Variants in ATP2B2 observed in about 807,000 individuals in gnomAD.
The protein encoded by ATP2B2 is ATPase plasma membrane Ca2+ transporting 2, also known as plasma membrane calcium-transporting ATPase 2.
A neutral mutation model predicts 120.0 loss-of-function variants in ATP2B2; 15 were observed. The observed-to-expected ratio is 0.12, with a 90% CI of 0.08 to 0.19. The LOEUF (loss-of-function observed/expected upper bound fraction) is 0.19. Ranked by LOEUF, ATP2B2 falls within the 10% of genes least tolerant of loss-of-function variation. ATP2B2 has a pLI of 1.00. For synonymous variants in ATP2B2, 694 were observed against 700.3 expected (o/e 0.99, Z 0.14); for missense variants, 1,045 against 1,719.8 (o/e 0.61, Z 6.94).
chr3:10,628,905 T>G (rs1393681454), intron 1 of ATP2B2, among the ~76,000 whole-genome samples: 1 of 152,234 alleles, frequency 6.6e-6, no homozygotes, highest in Non-Finnish European at 1.5e-5. Flanking sequence ...CTGATCAGTA[T>G]ATAACCTTGT....
Position 10,378,421 on chromosome 3 carries a change from C to A in ATP2B2, c.1043-11G>T, listed in dbSNP as rs748212925. 3.1e-6 allele frequency: 5 copies of A among 1,600,058 alleles called. No homozygotes were observed. The Admixed American group carries it at 6.7e-5, about 21-fold the overall frequency. ...CGTCCTGTTGTTTGGCTGCAGGGGG[C>A]AGATCACGCACGTGCATACACACAG... On this transcript the variant is annotated splice_polypyrimidine_tract_variant and intron_variant, in intron 9 of 22. Transcript: ENST00000360273.
intron 3 of ATP2B2, among the ~76,000 whole-genome samples, chr3:10,512,469 C>CAGACACACAG (rs1559431371): frequency 4.2e-4 from 20 of 47,390 alleles, no homozygotes; most frequent in Non-Finnish European, 5.3e-4. Context: ...TGTGCGCACA[C>CAGACACACAG]ACACACACAC....
At chr3:10,708,032 C>G (rs1347542049), upstream of ATP2B2, 1 of 145,216 alleles carries the variant, frequency 6.9e-6, no homozygotes, top group African/African-American at 2.5e-5. Context: ...GCGGCTGCCC[C>G]GCGCTCGCCT....
intron 3 of ATP2B2, among the ~76,000 whole-genome samples, chr3:10,532,859 T>C (rs921252075): frequency 6.6e-6 from 1 of 152,194 alleles, no homozygotes; most frequent in Admixed American, 6.5e-5. Context: ...AGGAAGCCAG[T>C]GATGCTTGCT....
chr3:10,389,042 G>GCC (rs560813073), intron 5 of ATP2B2, among the ~76,000 whole-genome samples: 2,273 of 152,232 alleles, frequency 0.015, 55 homozygotes, highest in African/African-American at 0.05. Flanking sequence ...TTTGGAATAG[G>GCC]TGTGGCACAT....
At chr3:10,581,102 C>T (rs2068378754) in intron 2 of ATP2B2, among the ~76,000 whole-genome samples, 1 of 152,210 alleles carries the variant, frequency 6.6e-6, no homozygotes, top group Admixed American at 6.5e-5. Flanking sequence ...GAAATTGAAG[C>T]CCAAAGATGA....
At chr3:10,672,379 G>C (rs769143433) in intron 1 of ATP2B2, among the ~76,000 whole-genome samples, 1 of 152,236 alleles carries the variant, frequency 6.6e-6, no homozygotes, top group Non-Finnish European at 1.5e-5. Context: ...TGGAGGGACA[G>C]AAATGCGCAA....
At chr3:10,543,127 G>C (rs17033052) in intron 2 of ATP2B2, among the ~76,000 whole-genome samples, 4,208 of 152,240 alleles carry the variant, frequency 0.028, 84 homozygotes, top group Middle Eastern at 0.095. Flanking sequence ...ACTGATTCCT[G>C]GCAGGCCCCT....
At chr3:10,414,691 T>C (rs1314270302) in intron 2 of ATP2B2, among the ~76,000 whole-genome samples, 2 of 152,156 alleles carry the variant, frequency 1.3e-5, no homozygotes, top group Non-Finnish European at 2.9e-5. Context: ...AGTTGCTAGT[T>C]TGAGACCCCC....
At chr3:10,445,499 G>C (rs2063806663) in intron 2 of ATP2B2, among the ~76,000 whole-genome samples, 1 of 152,196 alleles carries the variant, frequency 6.6e-6, no homozygotes, top group Non-Finnish European at 1.5e-5. Flanking sequence ...GCTGCCCTTG[G>C]CCTCACAGCC....
intron 1 of ATP2B2, chr3:10,625,886 G>A (rs568196283): frequency 1.3e-5 from 2 of 152,338 alleles, no homozygotes; most frequent in South Asian, 2.1e-4. Flanking sequence ...TCCACTGGTA[G>A]GATGCAGTAT....
At chr3:10,594,308 G>C (rs892769663) in intron 2 of ATP2B2, among the ~76,000 whole-genome samples, 3 of 152,014 alleles carry the variant, frequency 2.0e-5, no homozygotes, top group African/African-American at 7.3e-5. Flanking sequence ...CAAAGACTTG[G>C]AACCAACCCA....
intron 1 of ATP2B2, among the ~76,000 whole-genome samples, chr3:10,636,658 T>C (rs2070030132): frequency 6.6e-6 from 1 of 152,130 alleles, no homozygotes; most frequent in African/African-American, 2.4e-5. Flanking sequence ...CAATGGTCAA[T>C]GATAACTAGA....
At position 10,359,938 on chromosome 3, in the gene ATP2B2, C is replaced by T; in HGVS notation, c.1845G>A (p.Leu615=). 6.2e-7 allele frequency: 1 copy of T among 1,614,212 alleles called. No individual in the cohort carries two copies. The highest frequency in any genetic ancestry group is 8.5e-7 in the Non-Finnish European group (1 of 1,180,038). Residue 615 remains leucine (L), a synonymous_variant, in exon 13 of 23, where the codon CTG becomes CTA. Transcript: ENST00000360273. ...VRKSMSTVIK[L]PDESFRMYSK... is the part of the protein sequence containing the mutation. Reference sequence around the variant, plus strand: ...TGTACATGCGGAAGCTCTCGTCGGGCAGCTTGATGACAGTGCTCATGGACT... The same window carrying T: ...TGTACATGCGGAAGCTCTCGTCGGGTAGCTTGATGACAGTGCTCATGGACT...
At chr3:10,496,457 CT>C (rs1454631182) in intron 1 of ATP2B2, among the ~76,000 whole-genome samples, 3 of 152,200 alleles carry the variant, frequency 2.0e-5, no homozygotes, top group African/African-American at 7.2e-5. Context: ...GAAAGGCCAG[CT>C]TTTTTGCTTC....
intron 2 of ATP2B2, among the ~76,000 whole-genome samples, chr3:10,422,354 G>A (rs1034981685): frequency 6.6e-6 from 1 of 152,218 alleles, no homozygotes; most frequent in African/African-American, 2.4e-5. Flanking sequence ...GTCAAGGTAA[G>A]TTCAGAACCA....
intron 2 of ATP2B2, among the ~76,000 whole-genome samples, chr3:10,595,701 C>T (rs1306449604): frequency 1.3e-5 from 2 of 152,170 alleles, no homozygotes; most frequent in Non-Finnish European, 2.9e-5. Flanking sequence ...TTACTTGATG[C>T]TTGGAAATTT....
intron 1 of ATP2B2, among the ~76,000 whole-genome samples, chr3:10,470,992 C>T (rs545301688): frequency 5.9e-5 from 9 of 152,264 alleles, no homozygotes; most frequent in South Asian, 2.1e-4. Context: ...GGGTGGAGAA[C>T]GGGGGGCCTG....
At chr3:10,578,020 A>G (rs556488176) in intron 2 of ATP2B2, among the ~76,000 whole-genome samples, 1 of 152,216 alleles carries the variant, frequency 6.6e-6, no homozygotes, top group East Asian at 1.9e-4. Context: ...CCAAGTCTCT[A>G]CTCTGTCTTC....
Sources: allele counts gnomAD v4.1 joint callset (sites outside exome capture counted in the v4.1 genomes callset), GRCh38; gene constraint gnomAD v4.1.1; transcripts MANE v1.5; gene names NCBI Gene and HGNC (gene_info 2026-07-23, HGNC 2026-07-21).